The following FAT3 variants were observed in gnomAD, a reference collection of about 807,000 sequenced individuals.
FAT3 encodes protocadherin Fat 3.
FAT3 carries 95 observed loss-of-function variants against 310.2 expected under a neutral mutation model. That is an observed-to-expected ratio of 0.31 (90% CI 0.26 to 0.36). The LOEUF (loss-of-function observed/expected upper bound fraction) is 0.36. FAT3 is among the 10% of genes least tolerant of loss of function. FAT3 has a pLI of 1.00. For missense variants in FAT3, 5,408 were observed against 5,715.6 expected (o/e 0.95, Z 1.74); for synonymous variants, 2,314 against 2,192.9 (o/e 1.06, Z -1.54).
At chr11:92,665,044 G>C (rs7122543) in intron 3 of FAT3, among the ~76,000 whole-genome samples, 1 of 152,176 alleles carries the variant, frequency 6.6e-6, no homozygotes, top group Non-Finnish European at 1.5e-5. Context: ...GACAGTTGCA[G>C]TGCTGATCTG....
At chr11:92,835,222 G>T in intron 15 of FAT3, 138 bp downstream of exon 15, 1 of 651,102 alleles carries the variant, frequency 1.5e-6, no homozygotes, top group Non-Finnish European at 2.6e-6. Flanking sequence ...AAGAATAGGA[G>T]CCATCTTTCT....
intron 4 of FAT3, chr11:92,749,127 A>G (rs1466134062): frequency 1.3e-5 from 2 of 152,242 alleles, no homozygotes; most frequent in African/African-American, 2.4e-5. Flanking sequence ...AGGTTTAAGT[A>G]TTTAAGGTTT....
At chr11:92,289,091 G>A (rs1286227401) in intron 1 of FAT3, among the ~76,000 whole-genome samples, 1 of 152,020 alleles carries the variant, frequency 6.6e-6, no homozygotes, top group Non-Finnish European at 1.5e-5. Flanking sequence ...AGACTTGCAG[G>A]GCTGTGAAAA....
intron 22 of FAT3, among the ~76,000 whole-genome samples, chr11:92,877,996 C>CA (rs1949571659): frequency 6.6e-6 from 1 of 152,100 alleles, no homozygotes; most frequent in Non-Finnish European, 1.5e-5. Flanking sequence ...TTCATAAAGT[C>CA]AAAAAATCAT....
intron 3 of FAT3, among the ~76,000 whole-genome samples, chr11:92,639,874 C>T (rs1003422584): frequency 6.6e-6 from 1 of 152,102 alleles, no homozygotes; most frequent in South Asian, 2.1e-4. Context: ...ATATAATCAC[C>T]TTACAGGAAA....
chr11:92,332,273 C>T (rs1053997404), intron 1 of FAT3, among the ~76,000 whole-genome samples: 5 of 152,176 alleles, frequency 3.3e-5, no homozygotes, highest in East Asian at 1.9e-4. Context: ...ATCTGGATTT[C>T]GGGCCAAAAA....
At chr11:92,361,263 C>G (rs1184311101) in intron 2 of FAT3, among the ~76,000 whole-genome samples, 1 of 152,168 alleles carries the variant, frequency 6.6e-6, no homozygotes, top group African/African-American at 2.4e-5. Flanking sequence ...CTATTCAAAA[C>G]TGGCTCACTT....
chr11:92,788,782 CAGCGATGCTATG>C (rs1946963975), intron 7 of FAT3, among the ~76,000 whole-genome samples: 1 of 152,110 alleles, frequency 6.6e-6, no homozygotes, highest in Admixed American at 6.6e-5. Context: ...AACAAAACCA[CAGCGATGCTATG>C]AGCAAAATTC....
At chr11:92,392,537 A>G (rs676661) in intron 2 of FAT3, among the ~76,000 whole-genome samples, 3 of 151,922 alleles carry the variant, frequency 2.0e-5, no homozygotes, top group African/African-American at 4.8e-5. Flanking sequence ...ACCCCTCCCC[A>G]CAAATCCCCA....
chr11:92,766,750 ATCT>A (rs1565578179), intron 6 of FAT3: 1 of 152,160 alleles, frequency 6.6e-6, no homozygotes, highest in African/African-American at 2.4e-5. Flanking sequence ...CCATTTCTTT[ATCT>A]TCTTAGTAAT....
intron 13 of FAT3, among the ~76,000 whole-genome samples, chr11:92,817,337 T>A (rs764005330): frequency 2.6e-5 from 4 of 152,204 alleles, no homozygotes; most frequent in Non-Finnish European, 5.9e-5. Context: ...ATAGAAAATA[T>A]GAAAAATTCT....
chr11:92,400,261 A>G (rs1229989290), intron 2 of FAT3: 2 of 152,194 alleles, frequency 1.3e-5, no homozygotes, highest in African/African-American at 4.8e-5. Flanking sequence ...ATGCCAAAGA[A>G]ATCCACAGAA....
intron 3 of FAT3, among the ~76,000 whole-genome samples, chr11:92,676,071 T>G (rs1163659400): frequency 6.6e-6 from 1 of 152,034 alleles, no homozygotes; most frequent in African/African-American, 2.4e-5. Flanking sequence ...GCCACAGAGA[T>G]AAGAAAAAAG....
intron 2 of FAT3, among the ~76,000 whole-genome samples, chr11:92,484,025 G>T (rs1424528301): frequency 1.3e-5 from 2 of 152,176 alleles, no homozygotes; most frequent in East Asian, 1.9e-4. Context: ...TGTTAATGAT[G>T]ATAAGAATTA....
intron 1 of FAT3, among the ~76,000 whole-genome samples, chr11:92,334,733 C>T (rs1161375594): frequency 1.3e-5 from 2 of 152,126 alleles, no homozygotes; most frequent in Non-Finnish European, 2.9e-5. Context: ...GAAACACTAC[C>T]TGGAGGAGAA....
intron 3 of FAT3, among the ~76,000 whole-genome samples, chr11:92,531,016 C>T (rs1462480232): frequency 1.3e-5 from 2 of 152,030 alleles, no homozygotes; most frequent in Admixed American, 6.6e-5. Flanking sequence ...TGGCAGAGCC[C>T]CTCCTAATAA....
intron 1 of FAT3, among the ~76,000 whole-genome samples, chr11:92,260,618 G>A (rs1237084605): frequency 6.6e-6 from 1 of 152,122 alleles, no homozygotes; most frequent in East Asian, 1.9e-4. Flanking sequence ...AATGGGCCAT[G>A]AACTAATTCA....
At chr11:92,592,239 A>T (rs936012646) in intron 3 of FAT3, among the ~76,000 whole-genome samples, 1 of 151,704 alleles carries the variant, frequency 6.6e-6, no homozygotes, top group Non-Finnish European at 1.5e-5. Context: ...AACATGTAAC[A>T]GTTTTAAACT....
At chr11:92,503,629 C>T (rs1389190706) in intron 2 of FAT3, among the ~76,000 whole-genome samples, 1 of 152,124 alleles carries the variant, frequency 6.6e-6, no homozygotes, top group African/African-American at 2.4e-5. Context: ...CTCAACCTCT[C>T]TCTTTCTTTT....
Sources: gnomAD v4.1 joint callset for allele counts (sites outside exome capture counted in the v4.1 genomes callset) on GRCh38, gnomAD v4.1.1 for gene constraint, MANE v1.5 for transcripts, NCBI Gene and HGNC (gene_info 2026-07-23, HGNC 2026-07-21) for gene names.